THOC2: variants seen among roughly 807,000 people sequenced by gnomAD.
The protein encoded by THOC2 is THO complex 2.
In THOC2, 10 loss-of-function variants were observed where a neutral mutation model predicts 128.4. That is an observed-to-expected ratio of 0.08 (90% CI 0.05 to 0.13). The LOEUF is 0.13. THOC2 is among the 10% of genes least tolerant of loss of function. The pLI, the probability that THOC2 is intolerant of heterozygous loss-of-function variation, is 1.00. For missense variants in THOC2, 535 were observed against 1,155.7 expected, an observed-to-expected ratio of 0.46 and a Z score of 7.79; for synonymous variants, 393 against 396.9, an observed-to-expected ratio of 0.99 and a Z score of 0.12.
chrX:123,641,078 T>C (rs745638513), intron 15 of THOC2, among the ~76,000 whole-genome samples: 3 of 111,392 alleles, frequency 2.7e-5, no homozygotes, highest in East Asian at 2.8e-4. Context: ...TGTAAACTTA[T>C]GTAACTTTAC....
chrX:123,706,966 A>G lies in THOC2; in HGVS notation c.131-17T>C. On this transcript the variant is annotated splice_polypyrimidine_tract_variant and intron_variant, in intron 2 of 38. Transcript: ENST00000245838. The stretch of plus-strand genomic sequence containing the variant: ...GCTGGAAATCTGTTGAACATAAGAG[A>G]AATAATGTAAGGATACAGTCTCTTG... The G allele has an allele frequency of 2.2e-6, 2 of 904,755 alleles. No individual in the cohort carries two copies. The highest frequency in any genetic ancestry group is 3.1e-6 in the Non-Finnish European group (2 of 653,197). 74.6% of individuals were successfully genotyped at this position (904,755 alleles called of 1,213,427 possible).
chrX:123,668,703 G>A (rs766887582), intron 9 of THOC2, among the ~76,000 whole-genome samples: 1 of 112,087 alleles, frequency 8.9e-6, no homozygotes, highest in Non-Finnish European at 1.9e-5. Context: ...ATTGCAATAT[G>A]GATCCAATTT....
At chrX:123,616,424 G>C (rs907726774) in intron 33 of THOC2, among the ~76,000 whole-genome samples, 61 of 110,855 alleles carry the variant, frequency 5.5e-4, no homozygotes, top group African/African-American at 2.0e-3. Flanking sequence ...TTTTATTCTT[G>C]ACATTCGGAT....
chrX:123,603,695 G>T (rs1029450772), intron 38 of THOC2: 2 of 438,428 alleles, frequency 4.6e-6, no homozygotes, highest in African/African-American at 5.0e-5. Context: ...GTGACGCACG[G>T]AGCTTTGGCA....
intron 4 of THOC2, among the ~76,000 whole-genome samples, chrX:123,700,660 T>G (rs1023069786): frequency 9.0e-6 from 1 of 111,036 alleles, no homozygotes; most frequent in Non-Finnish European, 1.9e-5. Flanking sequence ...AAAAAGATCA[T>G]AGGCTGTGGA....
chrX:123,637,703 T>C (rs1175975872), intron 18 of THOC2, among the ~76,000 whole-genome samples: 1 of 110,248 alleles, frequency 9.1e-6, no homozygotes, highest in Non-Finnish European at 1.9e-5. Context: ...GAGGCTGCAG[T>C]GAGTCGAGAT....
intron 2 of THOC2, among the ~76,000 whole-genome samples, chrX:123,708,661 T>C (rs1032732069): frequency 8.9e-6 from 1 of 112,061 alleles, no homozygotes; most frequent in Non-Finnish European, 1.9e-5. Context: ...ACAAGTGACC[T>C]GGGTCATTTT....
chrX:123,686,145 C>A (rs2049993732), intron 8 of THOC2, among the ~76,000 whole-genome samples: 1 of 112,248 alleles, frequency 8.9e-6, no homozygotes, highest in Non-Finnish European at 1.9e-5. Flanking sequence ...CATCTTACAA[C>A]CCAGCCACAT....
intron 12 of THOC2, among the ~76,000 whole-genome samples, chrX:123,665,357 C>T (rs767038699): frequency 3.6e-5 from 4 of 111,481 alleles, no homozygotes; most frequent in Non-Finnish European, 5.7e-5. Context: ...ACGGGCCATA[C>T]CATATAGTCT....
rs192821989 is a variant in THOC2, at chrX:123,615,247, T to A, written c.4312-1058A>T. Among the ~76,000 whole-genome samples the A allele has an allele frequency of 7.2e-5, 8 of 111,398 alleles. No individual in the cohort carries two copies. The East Asian group carries it at 2.2e-3, about 31-fold the overall frequency. ...AGTCAAATATTTTTACATGAAGAAA[T>A]CCTTTGGTATTCAAAGGAATACATG... On this transcript the variant is annotated intron_variant, in intron 33 of 38. Transcript: ENST00000245838.
chrX:123,666,348 T>C (rs1156394459), intron 11 of THOC2, among the ~76,000 whole-genome samples: 1 of 111,447 alleles, frequency 9.0e-6, no homozygotes, highest in Non-Finnish European at 1.9e-5. Flanking sequence ...GTGAGCCATG[T>C]AATAAAAGAA....
At chrX:123,658,175 C>T (rs774552439) in intron 12 of THOC2, among the ~76,000 whole-genome samples, 50 of 111,024 alleles carry the variant, frequency 4.5e-4, no homozygotes, top group Non-Finnish European at 6.6e-4. Flanking sequence ...CACTAAAAAA[C>T]TTAACCAAAA....
chrX:123,628,042 A>G, intron 22 of THOC2, 74 bp from the exon 23 acceptor site: 1 of 811,891 alleles, frequency 1.2e-6, no homozygotes, highest in Non-Finnish European at 1.8e-6. Flanking sequence ...TTCATGGCAT[A>G]AAAATCTATA....
At chrX:123,661,555 C>T (rs112036269) in intron 12 of THOC2, among the ~76,000 whole-genome samples, 5 of 110,770 alleles carry the variant, frequency 4.5e-5, no homozygotes, top group African/African-American at 1.3e-4. Context: ...GCAGTTAGAT[C>T]GATGGAATGA....
At chrX:123,656,420 C>T (rs5958281) in intron 12 of THOC2, among the ~76,000 whole-genome samples, 47,360 of 107,188 alleles carry the variant, frequency 0.44, 9,252 homozygotes, top group African/African-American at 0.73. Context: ...AACAAGATTC[C>T]GTGACTGGCT....
chrX:123,687,120 T>A (rs1224095199), intron 7 of THOC2, among the ~76,000 whole-genome samples: 3 of 112,239 alleles, frequency 2.7e-5, no homozygotes, highest in African/African-American at 6.5e-5. Flanking sequence ...GGTTTTTTTT[T>A]AATGTTTTAG....
intron 1 of THOC2, among the ~76,000 whole-genome samples, chrX:123,720,008 A>G (rs912109575): frequency 5.4e-5 from 6 of 111,195 alleles, no homozygotes; most frequent in Non-Finnish European, 9.4e-5. Context: ...CTAGCCCGGC[A>G]TGGTGGTGCA....
At chrX:123,620,996 A>C (rs1569331430) in intron 31 of THOC2, 31 bp from the exon 32 acceptor site, 2 of 1,196,970 alleles carry the variant, frequency 1.7e-6, no homozygotes, top group Admixed American at 2.2e-5. Context: ...AGTCAGAATA[A>C]GGTACATTTC....
At chrX:123,622,438 T>A (rs1219347037) in intron 30 of THOC2, among the ~76,000 whole-genome samples, 1 of 112,040 alleles carries the variant, frequency 8.9e-6, no homozygotes, top group African/African-American at 3.3e-5. Context: ...AAAACATAAT[T>A]AGGATGTAAA....
Sources: gnomAD v4.1 joint callset for allele counts (sites outside exome capture counted in the v4.1 genomes callset) on GRCh38, gnomAD v4.1.1 for gene constraint, MANE v1.5 for transcripts, NCBI Gene and HGNC (gene_info 2026-07-23, HGNC 2026-07-21) for gene names.